The following ZNF37A variants were observed in gnomAD, a reference collection of about 807,000 sequenced individuals.
ZNF37A encodes zinc finger protein 37A, also known as zinc finger protein 37a (KOX 21).
A neutral mutation model predicts 12.3 loss-of-function variants in ZNF37A; 10 were observed. The ratio of observed to expected loss-of-function variants is 0.82; its 90% CI spans 0.50 to 1.38. The LOEUF (loss-of-function observed/expected upper bound fraction) is 1.38. Ranked by LOEUF, ZNF37A falls within the 40% of genes most tolerant of loss-of-function variation. ZNF37A has a pLI of 0.00. For missense variants in ZNF37A, 580 were observed against 651.2 expected (o/e 0.89, Z 1.19); for synonymous variants, 207 against 223.0 (o/e 0.93, Z 0.64).
rs1037120592 is a variant in ZNF37A at position 38,121,086 on chromosome 10, T to A, written c.*2249T>A. On this transcript the variant is annotated 3_prime_UTR_variant, in exon 8 of 8. Coordinates refer to ENST00000685332, the MANE Select transcript of ZNF37A (RefSeq NM_001324250.3). ...AAACTCTAGGAACAGATGGCTTCAC[T>A]GAAGTTATTCCAAATATTTAAGAAA... The A allele has an allele frequency of 6.6e-6, 1 of 152,156 alleles. No individual in the cohort carries two copies. The highest frequency in any genetic ancestry group is 1.5e-5 in the Non-Finnish European group (1 of 68,028). 9.4% of individuals were successfully genotyped at this position (152,156 alleles called of 1,614,324 possible). A position where few individuals can be genotyped will look rare whatever the true frequency, so the allele number is the denominator to read the frequency against.
chr10:38,108,847 C>T (rs1465605174), intron 5 of ZNF37A, among the ~76,000 whole-genome samples: 1 of 152,088 alleles, frequency 6.6e-6, no homozygotes, highest in Non-Finnish European at 1.5e-5. Context: ...AAATAATAGC[C>T]TACCAACCAA....
chr10:38,117,869 A>G lies in ZNF37A; in HGVS notation c.718A>G (p.Asn240Asp). Residue 240 changes from asparagine to aspartate, a missense_variant, in exon 8 of 8, where the codon AAC becomes GAC. Coordinates refer to ENST00000685332, the MANE Select transcript of ZNF37A (RefSeq NM_001324250.3). Reference sequence around the variant, plus strand: ...TCCAATTCAGAGAACCCACTCAATTAACAATATTATTGAATATAATGAGTG... The same window carrying G: ...TCCAATTCAGAGAACCCACTCAATTGACAATATTATTGAATATAATGAGTG... ...LTPIQRTHSI[N>D]NIIEYNECGT... The G allele has an allele frequency of 6.2e-7, 1 of 1,614,046 alleles. No homozygotes were observed.
At chr10:38,103,064 A>G (rs889999106) in intron 5 of ZNF37A, among the ~76,000 whole-genome samples, 7 of 152,166 alleles carry the variant, frequency 4.6e-5, no homozygotes, top group Non-Finnish European at 8.8e-5. Context: ...AGTCTTGGAC[A>G]TAGAGATTCA....
downstream of ZNF37A, among the ~76,000 whole-genome samples, chr10:38,125,734 A>G (rs1441464464): frequency 6.6e-6 from 1 of 152,222 alleles, no homozygotes; most frequent in Non-Finnish European, 1.5e-5. Flanking sequence ...TGGGGAATAA[A>G]CATAGAAATT....
exon 8 of ZNF37A, chr10:38,149,889 C>A (rs1240578713): frequency 6.6e-6 from 1 of 152,180 alleles, no homozygotes; most frequent in Non-Finnish European, 1.5e-5. Flanking sequence ...TTGCTAATTT[C>A]TTTAGTGAAC....
At chr10:38,096,041 C>G (rs181838130) in intron 4 of ZNF37A, among the ~76,000 whole-genome samples, 1 of 152,052 alleles carries the variant, frequency 6.6e-6, no homozygotes, top group East Asian at 1.9e-4. Context: ...AAAAAATTAG[C>G]CGGGTGTGGT....
Position 38,118,284 on chromosome 10 carries a change from CA to C in ZNF37A, c.1134del (p.Glu380ArgfsTer51), listed in dbSNP as rs1188517381. 9 of 1,613,716 alleles carry C rather than the reference CA, an allele frequency of 5.6e-6. No individual in the cohort carries two copies. Among genetic ancestry groups the C allele is most frequent in the Non-Finnish European group, 6.8e-6 (8 of 1,179,970 alleles). On this transcript the variant is annotated frameshift_variant, in exon 8 of 8. Transcript: ENST00000685332. LOFTEE classifies it low-confidence loss of function (END_TRUNC). ...SVLTVHQKTH[T>X]GEKPYECYAC... ...CTTACTGTGCATCAGAAAACACACACAGGGGAGAAGCCCTATGAATGCTATG... is the reference window on the plus strand; with the variant it reads ...CTTACTGTGCATCAGAAAACACACACGGGGAGAAGCCCTATGAATGCTATG...
chr10:38,105,052 C>G (rs1457812278), intron 5 of ZNF37A, among the ~76,000 whole-genome samples: 3 of 150,136 alleles, frequency 2.0e-5, no homozygotes, highest in Non-Finnish European at 4.4e-5. Flanking sequence ...GGTGCCCAGG[C>G]TGGAATGCAA....
chr10:38,130,189 T>C (rs892096832), downstream of ZNF37A, among the ~76,000 whole-genome samples: 2 of 152,186 alleles, frequency 1.3e-5, no homozygotes, highest in African/African-American at 4.8e-5. Context: ...GGCCCATCCA[T>C]GTTTAGCTAT....
chr10:38,118,398 G>A lies in ZNF37A; in HGVS notation c.1247G>A (p.Cys416Tyr), dbSNP rs747214650. Residue 416 changes from cysteine to tyrosine, a missense_variant, in exon 8 of 8, where the codon TGT becomes TAT. Transcript: ENST00000685332. Reference sequence around the variant, plus strand: ...GAAAAACCTTATGAATGTAATGAATGTGGGAAGTCATTCTCTGAGAAGTCA... The same window carrying A: ...GAAAAACCTTATGAATGTAATGAATATGGGAAGTCATTCTCTGAGAAGTCA... ...TGEKPYECNECGKSFSEKSTL... is the reference protein window; with the variant it reads ...TGEKPYECNEYGKSFSEKSTL... The A allele has an allele frequency of 6.2e-7, 1 of 1,613,972 alleles. No homozygotes were observed. The highest frequency in any genetic ancestry group is 2.2e-5 in the East Asian group (1 of 44,850).
chr10:38,134,537 G>A (rs1254919515), intron 7 of ZNF37A, among the ~76,000 whole-genome samples: 1 of 152,224 alleles, frequency 6.6e-6, no homozygotes, highest in Admixed American at 6.5e-5. Flanking sequence ...CTGCAGGTCT[G>A]TTGGAGTTTG....
downstream of ZNF37A, among the ~76,000 whole-genome samples, chr10:38,129,319 A>AAAAAAAAAAAAAAAAAAAAAAACAAC: frequency 8.6e-6 from 1 of 116,294 alleles, no homozygotes; most frequent in African/African-American, 3.6e-5. Flanking sequence ...AAAAAAAAAA[A>AAAAAAAAAAAAAAAAAAAAAAACAAC]AAACTATTAT....
In ZNF37A at chr10:38,118,502, T is replaced by C; in HGVS notation, c.1351T>C (p.Tyr451His). ...TCAGTGTGGAAAATTTTTCTGCTAC[T>C]ACTCCGGTTTCACAGAACATCTGAG... ...CIQCGKFFCYYSGFTEHLRRH... is the reference protein window; with the variant it reads ...CIQCGKFFCYHSGFTEHLRRH... Residue 451 changes from tyrosine (Y) to histidine (H), a missense_variant, in exon 8 of 8, where the codon TAC (tyrosine) becomes CAC (histidine). Tyr to His is a moderately conservative substitution (Grantham distance 83). Transcript: ENST00000685332. The C allele has an allele frequency of 6.2e-7, 1 of 1,612,796 alleles. No homozygotes were observed. The highest frequency in any genetic ancestry group is 1.1e-5 in the South Asian group (1 of 91,004).
chr10:38,098,700 T>A (rs1320289061), intron 5 of ZNF37A, among the ~76,000 whole-genome samples: 1 of 152,216 alleles, frequency 6.6e-6, no homozygotes, highest in African/African-American at 2.4e-5. Context: ...AAATTCAGAC[T>A]TCAGTGTCTA....
chr10:38,108,863 T>C (rs1442842747), intron 5 of ZNF37A, among the ~76,000 whole-genome samples: 1 of 151,990 alleles, frequency 6.6e-6, no homozygotes, highest in African/African-American at 2.4e-5. Flanking sequence ...ACCAAAAATG[T>C]CTAGGACCAG....
rs35644583 is a variant in ZNF37A at position 38,130,635 on chromosome 10, ATT to A, written c.238+15355_238+15356del. Among the ~76,000 whole-genome samples, 659 of 143,804 alleles carry A rather than the reference ATT, an allele frequency of 4.6e-3. 3 individuals carry two copies. The highest frequency in any genetic ancestry group is 0.016 in the African/African-American group (618 of 39,442). The allele number at this position is 143,804 out of a possible 152,430, so 94.3% of individuals were successfully genotyped here. A position where few individuals can be genotyped will look rare whatever the true frequency, so the allele number is the denominator to read the frequency against. On this transcript the variant is annotated intron_variant, in intron 7 of 7. Transcript: ENST00000638053. ...ACCACCATGCCCAGCTAAGTTTTGC[ATT>A]TTTTTTTTTCGAAGTACAGACTGGG...
At chr10:38,103,883 A>G (rs1047545653) in intron 5 of ZNF37A, among the ~76,000 whole-genome samples, 3 of 152,206 alleles carry the variant, frequency 2.0e-5, no homozygotes, top group Non-Finnish European at 2.9e-5. Flanking sequence ...TGGTCTGTGC[A>G]TATTGGCCCT....
rs1028916342 is a variant in ZNF37A, at chr10:38,146,851, A to G, written c.*31A>G. 3.8e-5 allele frequency: 15 copies of G among 397,954 alleles called. No homozygotes were observed. In the Admixed American group the frequency reaches 6.6e-4, roughly 18 times the overall value. The allele number at this position is 397,954 out of a possible 1,614,324, so 24.7% of individuals were successfully genotyped here. A position where few individuals can be genotyped will look rare whatever the true frequency, so the allele number is the denominator to read the frequency against. ...TGAAGACAAAGACAAAGACACAGAA[A>G]TAAAGTGCAAAGTGGGAATCGGGGA... is the stretch of plus-strand genomic sequence containing the variant. On this transcript the variant is annotated 3_prime_UTR_variant, in exon 8 of 8. Transcript: ENST00000638053.
chr10:38,116,652 T>G (rs2069293570), intron 7 of ZNF37A, among the ~76,000 whole-genome samples: 1 of 152,222 alleles, frequency 6.6e-6, no homozygotes, highest in African/African-American at 2.4e-5. Context: ...TGTTTGTTCT[T>G]GGGACATTGG....
Sources: gnomAD v4.1 joint callset for allele counts (sites outside exome capture counted in the v4.1 genomes callset) on GRCh38, gnomAD v4.1.1 for gene constraint, MANE v1.5 for transcripts, NCBI Gene and HGNC (gene_info 2026-07-23, HGNC 2026-07-21) for gene names.